RBFOX1: variants seen among roughly 807,000 people sequenced by gnomAD.
RBFOX1 encodes the protein RNA binding fox-1 homolog 1.
A neutral mutation model predicts 57.7 loss-of-function variants in RBFOX1; 8 were observed. The observed-to-expected ratio is 0.14, with a 90% CI of 0.08 to 0.25. The LOEUF is 0.25. RBFOX1 is among the 10% of genes least tolerant of loss of function. The pLI is 1.00. For synonymous variants in RBFOX1, 326 were observed against 222.4 expected (o/e 1.47, Z -4.15); for missense variants, 611 against 548.5 (o/e 1.11, Z -1.14).
At chr16:6,805,852 C>T (rs937261179) in intron 3 of RBFOX1, among the ~76,000 whole-genome samples, 2 of 152,164 alleles carry the variant, frequency 1.3e-5, no homozygotes, top group African/African-American at 2.4e-5. Context: ...TTTCTCCTTA[C>T]AGTCACACTT....
intron 3 of RBFOX1, among the ~76,000 whole-genome samples, chr16:7,032,236 C>G (rs988505104): frequency 6.6e-6 from 1 of 151,910 alleles, no homozygotes; most frequent in Non-Finnish European, 1.5e-5. Flanking sequence ...ACCAGACTGA[C>G]CAACATGGTG....
chr16:6,896,811 AT>A (rs2067033524), intron 3 of RBFOX1, among the ~76,000 whole-genome samples: 1 of 152,190 alleles, frequency 6.6e-6, no homozygotes, highest in Non-Finnish European at 1.5e-5. Flanking sequence ...GAGATCATAG[AT>A]GAGTTTATAG....
At chr16:6,536,414 C>T (rs2096736357) in intron 2 of RBFOX1, among the ~76,000 whole-genome samples, 2 of 152,198 alleles carry the variant, frequency 1.3e-5, no homozygotes, top group African/African-American at 4.8e-5. Flanking sequence ...CCCCTATTGT[C>T]CTCCCCTGTT....
intron 4 of RBFOX1, among the ~76,000 whole-genome samples, chr16:7,377,268 T>C (rs1182463179): frequency 6.6e-6 from 1 of 152,220 alleles, no homozygotes; most frequent in Non-Finnish European, 1.5e-5. Flanking sequence ...CCAATGCTCC[T>C]GGAGCAGATG....
At chr16:7,147,764 G>C (rs1600994365) in intron 4 of RBFOX1, among the ~76,000 whole-genome samples, 1 of 152,134 alleles carries the variant, frequency 6.6e-6, no homozygotes, top group Non-Finnish European at 1.5e-5. Context: ...ATGGTGAATA[G>C]AGCTGCAGTG....
chr16:7,496,413 G>C (rs1250352448), intron 4 of RBFOX1, among the ~76,000 whole-genome samples: 2 of 152,186 alleles, frequency 1.3e-5, no homozygotes, highest in East Asian at 1.9e-4. Flanking sequence ...AAAGTGTTGG[G>C]ATTAGAGGGG....
intron 1 of RBFOX1, among the ~76,000 whole-genome samples, chr16:6,060,070 T>A (rs1425899873): frequency 6.7e-6 from 1 of 148,542 alleles, no homozygotes; most frequent in Non-Finnish European, 1.5e-5. Flanking sequence ...TAGGATACAT[T>A]GTTTAAAAAA....
chr16:6,787,479 C>T (rs1211588603), intron 3 of RBFOX1, among the ~76,000 whole-genome samples: 2 of 151,950 alleles, frequency 1.3e-5, no homozygotes, highest in Non-Finnish European at 2.9e-5. Flanking sequence ...TTGGAGTCTC[C>T]CTGTGGTTAA....
chr16:5,541,164 T>G (rs867088211), intron 2 of RBFOX1, among the ~76,000 whole-genome samples: 16 of 152,106 alleles, frequency 1.1e-4, no homozygotes, highest in African/African-American at 3.6e-4. Flanking sequence ...TCTGCATTTT[T>G]AAGAAGAGCT....
chr16:7,563,761 C>T (rs1447787584), intron 5 of RBFOX1, among the ~76,000 whole-genome samples: 3 of 152,128 alleles, frequency 2.0e-5, no homozygotes, highest in Non-Finnish European at 4.4e-5. Flanking sequence ...AGCCACCGCA[C>T]CCACTCTATT....
At chr16:7,366,345 C>T (rs147950425) in intron 4 of RBFOX1, among the ~76,000 whole-genome samples, 25 of 152,282 alleles carry the variant, frequency 1.6e-4, no homozygotes, top group African/African-American at 5.5e-4. Flanking sequence ...CACAAAGGCA[C>T]GGCACCTAGA....
intron 5 of RBFOX1, among the ~76,000 whole-genome samples, chr16:7,572,267 T>C (rs2092862084): frequency 6.6e-6 from 1 of 152,196 alleles, no homozygotes; most frequent in African/African-American, 2.4e-5. Flanking sequence ...ACATTTATCA[T>C]TTTATGTATA....
chr16:5,646,141 T>G (rs2049046268), intron 3 of RBFOX1, among the ~76,000 whole-genome samples: 1 of 151,692 alleles, frequency 6.6e-6, no homozygotes, highest in Admixed American at 6.6e-5. Flanking sequence ...ACTATTCTGC[T>G]GCCTCAGCCT....
chr16:6,922,252 G>C (rs941429559), intron 3 of RBFOX1, among the ~76,000 whole-genome samples: 10 of 152,068 alleles, frequency 6.6e-5, no homozygotes, highest in Non-Finnish European at 8.8e-5. Flanking sequence ...AGAAAGACCT[G>C]AGCATCCTAC....
chr16:6,589,066 A>G (rs149026967), intron 2 of RBFOX1, among the ~76,000 whole-genome samples: 1 of 151,514 alleles, frequency 6.6e-6, no homozygotes, highest in Non-Finnish European at 1.5e-5. Flanking sequence ...TAGTAGTGAC[A>G]TGATGCTTTT....
At chr16:7,535,550 C>A (rs907822320) in intron 5 of RBFOX1, among the ~76,000 whole-genome samples, 5 of 152,218 alleles carry the variant, frequency 3.3e-5, no homozygotes, top group East Asian at 1.9e-4. Context: ...ATTGTGAAGT[C>A]TTTTCCACTG....
At chr16:6,116,512 T>C (rs938555204) in intron 1 of RBFOX1, among the ~76,000 whole-genome samples, 1 of 152,176 alleles carries the variant, frequency 6.6e-6, no homozygotes, top group Non-Finnish European at 1.5e-5. Flanking sequence ...TTTTCTTACA[T>C]GAATATGATA....
At chr16:6,876,755 G>A (rs930221167) in intron 3 of RBFOX1, among the ~76,000 whole-genome samples, 6 of 151,952 alleles carry the variant, frequency 3.9e-5, no homozygotes, top group Middle Eastern at 3.2e-3. Context: ...TAATTTGTGT[G>A]CTTTTTCTTA....
chr16:5,816,887 A>T (rs1240389160), intron 3 of RBFOX1, among the ~76,000 whole-genome samples: 1 of 152,198 alleles, frequency 6.6e-6, no homozygotes, highest in Non-Finnish European at 1.5e-5. Flanking sequence ...TGTACATAGT[A>T]GGTGTACATA....
Sources: gnomAD v4.1 joint callset for allele counts (sites outside exome capture counted in the v4.1 genomes callset) on GRCh38, gnomAD v4.1.1 for gene constraint, MANE v1.5 for transcripts, NCBI Gene and HGNC (gene_info 2026-07-23, HGNC 2026-07-21) for gene names.